NSD1: variants seen among roughly 807,000 people sequenced by gnomAD.
NSD1 encodes the protein histone-lysine N-methyltransferase, H3 lysine-36 specific.
NSD1 carries 26 observed loss-of-function variants against 242.7 expected under a neutral mutation model. That is an observed-to-expected ratio of 0.11 (90% CI 0.08 to 0.15). NSD1 has a LOEUF of 0.15. NSD1 is among the 10% of genes least tolerant of loss of function. NSD1 has a pLI of 1.00. For synonymous variants in NSD1, 1,106 were observed against 1,178.1 expected (o/e 0.94, Z 1.25); for missense variants, 2,495 against 3,272.8 (o/e 0.76, Z 5.80).
chr5:177,155,870 A>G (rs1265093710), intron 2 of NSD1, among the ~76,000 whole-genome samples: 1 of 150,574 alleles, frequency 6.6e-6, no homozygotes, highest in African/African-American at 2.4e-5. Flanking sequence ...ACACCCAGGT[A>G]ATTTTTTGTA....
In NSD1 at chr5:177,300,057, G is replaced by GC. The variant is rs60995782; in HGVS notation, c.*4611dup. 0.017 allele frequency: 2,326 copies of GC among 134,370 alleles called. 106 individuals carry two copies. Among genetic ancestry groups the GC allele is most frequent in the African/African-American group, 0.039 (943 of 24,158 alleles). 8.3% of individuals were successfully genotyped at this position (134,370 alleles called of 1,614,324 possible). A position where few individuals can be genotyped will look rare whatever the true frequency, so the allele number is the denominator to read the frequency against. On this transcript the variant is annotated 3_prime_UTR_variant, in exon 23 of 23. Coordinates refer to ENST00000439151, the MANE Select transcript of NSD1 (RefSeq NM_022455.5). ...AGGTCCATCATTGCTTTTTTGCCGC[G>GC]CCCCCCCCCCCCCGCCCCCATAGAT...
chr5:177,228,265 C>CT (rs750070622), intron 5 of NSD1, among the ~76,000 whole-genome samples: 2,500 of 138,254 alleles, frequency 0.018, 32 homozygotes, highest in East Asian at 0.029. Context: ...TTTTTCTTTT[C>CT]TTTTTTTTTT....
Position 177,135,903 on chromosome 5 carries a change from T to C in NSD1, c.800T>C (p.Ile267Thr), listed in dbSNP as rs761699570. 2 of 1,612,162 alleles carry C rather than the reference T, an allele frequency of 1.2e-6. No individual in the cohort carries two copies. Among genetic ancestry groups the C allele is most frequent in the East Asian group, 2.2e-5 (1 of 44,816 alleles). ...TCACTAGGAGACACAAACATTACAA[T>C]AGAAGAGCAATTAAACTCAATAAAT... Reference protein sequence around the residue: ...PFSLGDTNITIEEQLNSINLS... With the variant: ...PFSLGDTNITTEEQLNSINLS... Residue 267 changes from isoleucine (I) to threonine (T), a missense_variant, in exon 2 of 23, where the codon ATA becomes ACA. Physicochemically the swap from Ile to Thr is moderately conservative, Grantham distance 89. This residue lies in a region of NSD1 where 376 missense variants were observed against 367.4 expected (regional missense o/e 1.02). Coordinates refer to ENST00000439151, the MANE Select transcript of NSD1 (RefSeq NM_022455.5).
Position 177,251,852 on chromosome 5 carries a change from A to G in NSD1, c.4764A>G (p.Thr1588=). The G allele has an allele frequency of 6.2e-7, 1 of 1,614,228 alleles. No individual in the cohort carries two copies. The highest frequency in any genetic ancestry group is 8.5e-7 in the Non-Finnish European group (1 of 1,180,026). Residue 1588 remains threonine (T), a splice_region_variant and synonymous_variant, in exon 12 of 23, where the codon ACA becomes ACG. Transcript: ENST00000439151. Reference sequence around the variant, plus strand: ...AATTTATCTGCAATGAATGTCGCACAGGTAAAGTAGATATCGAACGGTCTT... The same window carrying G: ...AATTTATCTGCAATGAATGTCGCACGGGTAAAGTAGATATCGAACGGTCTT... ...RGKFICNECR[T]GIHTCFVCKQ...
chr5:177,214,759 G>T (rs991501263), intron 5 of NSD1, among the ~76,000 whole-genome samples: 1 of 149,454 alleles, frequency 6.7e-6, no homozygotes, highest in Non-Finnish European at 1.5e-5. Context: ...CCTCTGCCTC[G>T]TGGGTTCTCG....
At chr5:177,204,022 C>A in intron 3 of NSD1, 98 bp from the exon 4 acceptor site, 1 of 1,196,124 alleles carries the variant, frequency 8.4e-7, no homozygotes, top group Non-Finnish European at 1.2e-6. Context: ...TAGTTGTTTC[C>A]AGACAGTCTT....
chr5:177,235,596 A>G (rs1486875047), intron 5 of NSD1, among the ~76,000 whole-genome samples: 1 of 152,090 alleles, frequency 6.6e-6, no homozygotes, highest in Non-Finnish European at 1.5e-5. Flanking sequence ...CATATATTCT[A>G]TTATTTGTGT....
chr5:177,152,421 T>C (rs767327745), intron 2 of NSD1, among the ~76,000 whole-genome samples: 5 of 151,716 alleles, frequency 3.3e-5, no homozygotes, highest in Admixed American at 6.6e-5. Flanking sequence ...CAGGCCCGAA[T>C]GCAGTGACAT....
intron 5 of NSD1, among the ~76,000 whole-genome samples, chr5:177,234,484 A>G (rs1765291580): frequency 6.6e-6 from 1 of 152,216 alleles, no homozygotes; most frequent in Non-Finnish European, 1.5e-5. Flanking sequence ...TGGGAGGCCA[A>G]GGCGGGCAGA....
intron 2 of NSD1, among the ~76,000 whole-genome samples, chr5:177,186,058 CATATAATATATGTTAT>C (rs1761187156): frequency 2.1e-5 from 2 of 96,590 alleles, no homozygotes; most frequent in Non-Finnish European, 3.8e-5. Flanking sequence ...TATAATATAA[CATATAATATATGTTAT>C]ATATAATATA....
intron 2 of NSD1, among the ~76,000 whole-genome samples, chr5:177,150,497 C>G (rs1368593468): frequency 6.6e-6 from 1 of 152,166 alleles, no homozygotes; most frequent in Non-Finnish European, 1.5e-5. Flanking sequence ...TAAAATCATA[C>G]ATACTTGTGA....
intron 2 of NSD1, among the ~76,000 whole-genome samples, chr5:177,155,930 C>T (rs1028679574): frequency 2.6e-5 from 4 of 151,646 alleles, no homozygotes; most frequent in African/African-American, 4.8e-5. Flanking sequence ...GTCTCGAACT[C>T]CTGACCTCAG....
rs568481724 is a variant in NSD1 at position 177,277,305 on chromosome 5, T to C, written c.5623-3260T>C. 7.9e-5 allele frequency among the ~76,000 whole-genome samples: 12 copies of C among 152,304 alleles called. No homozygotes were observed. In the South Asian group the frequency reaches 1.9e-3, roughly 24 times the overall value. On this transcript the variant is annotated intron_variant, in intron 17 of 22. Transcript: ENST00000439151. ...AAAGAGATTTTGTGACACATAAAGA[T>C]GATATGAAATTCAACTTTCAATCAG...
chr5:177,281,947 C>T (rs894306982), intron 18 of NSD1, among the ~76,000 whole-genome samples: 1 of 152,178 alleles, frequency 6.6e-6, no homozygotes, highest in Non-Finnish European at 1.5e-5. Flanking sequence ...ACTTGTGAGG[C>T]TATTTTAAAT....
chr5:177,162,217 C>T (rs1222848712), intron 2 of NSD1, among the ~76,000 whole-genome samples: 1 of 151,566 alleles, frequency 6.6e-6, no homozygotes, highest in African/African-American at 2.4e-5. Context: ...AGAATTGCTT[C>T]AACCCGGGAG....
intron 4 of NSD1, among the ~76,000 whole-genome samples, chr5:177,207,064 G>T (rs1428331541): frequency 6.6e-6 from 1 of 151,846 alleles, no homozygotes; most frequent in Non-Finnish European, 1.5e-5. Flanking sequence ...AGCCTCCCAA[G>T]TAGCTGAGAT....
At chr5:177,190,138 TG>T (rs1236067311) in intron 2 of NSD1, among the ~76,000 whole-genome samples, 1 of 152,112 alleles carries the variant, frequency 6.6e-6, no homozygotes, top group African/African-American at 2.4e-5. Flanking sequence ...TTAAATTTTT[TG>T]TAGAGACTGG....
In NSD1 at chr5:177,296,981, G is replaced by T; in HGVS notation, c.*1522G>T. ...AGTTATGGCTTTCACGCTCTCAATA[G>T]GATTCTGTATTTGGTCCCAATTTCC... On this transcript the variant is annotated 3_prime_UTR_variant, in exon 23 of 23. Transcript: ENST00000439151. The T allele has an allele frequency of 4.3e-6, 1 of 233,302 alleles. No homozygotes were observed. Among genetic ancestry groups the T allele is most frequent in the Non-Finnish European group, 8.5e-6 (1 of 118,048 alleles). The allele number at this position is 233,302 out of a possible 1,614,324, so 14.5% of individuals were successfully genotyped here.
At chr5:177,291,913 T>C (rs1759864744) in intron 21 of NSD1, 41 bp from the exon 22 acceptor site, 3 of 1,573,410 alleles carry the variant, frequency 1.9e-6, no homozygotes, top group Non-Finnish European at 2.6e-6. Flanking sequence ...TTGGTACTAA[T>C]GTGTTCACAG....
Sources: gnomAD v4.1 joint callset for allele counts (sites outside exome capture counted in the v4.1 genomes callset) on GRCh38, gnomAD v4.1.1 for gene constraint, gnomAD v4.1.1 regional missense constraint, MANE v1.5 for transcripts, NCBI Gene and HGNC (gene_info 2026-07-23, HGNC 2026-07-21) for gene names.